Variants in ITCH observed in about 807,000 individuals in gnomAD.
ITCH encodes the protein E3 ubiquitin-protein ligase Itchy homolog.
Under a neutral mutation model 126.8 loss-of-function variants are expected in ITCH, and 28 were observed. The ratio of observed to expected loss-of-function variants is 0.22; its 90% CI spans 0.16 to 0.30. ITCH has a LOEUF of 0.30. Ranked by LOEUF, ITCH falls within the 10% of genes least tolerant of loss-of-function variation. The pLI is 1.00. For synonymous variants in ITCH, 342 were observed against 340.0 expected (o/e 1.01, Z -0.06); for missense variants, 631 against 1,032.4 (o/e 0.61, Z 5.33).
At chr20:34,443,746 G>T (rs1317486623) in intron 10 of ITCH, among the ~76,000 whole-genome samples, 2 of 152,042 alleles carry the variant, frequency 1.3e-5, no homozygotes, top group African/African-American at 4.8e-5. Flanking sequence ...GCACTTTGGG[G>T]GGACAAGGTA....
intron 1 of ITCH, among the ~76,000 whole-genome samples, 189 bp downstream of exon 1, chr20:34,363,538 G>C (rs1333507854): frequency 6.6e-6 from 1 of 152,212 alleles, no homozygotes; most frequent in Non-Finnish European, 1.5e-5. Flanking sequence ...CCCGGGCCGG[G>C]CGGTGGGGGT....
At chr20:34,474,363 CTCTTAACGAGCATGCTG>C (rs1568981655) in intron 16 of ITCH, among the ~76,000 whole-genome samples, 1 of 152,160 alleles carries the variant, frequency 6.6e-6, no homozygotes, top group Non-Finnish European at 1.5e-5. Context: ...GTGGTGATGA[CTCTTAACGAGCATGCTG>C]TCTTCAAGCA....
chr20:34,404,882 C>T (rs1312125229), intron 3 of ITCH, among the ~76,000 whole-genome samples: 1 of 152,064 alleles, frequency 6.6e-6, no homozygotes, highest in Non-Finnish European at 1.5e-5. Context: ...GCCTGTAATT[C>T]CACCACTTTG....
At chr20:34,487,101 C>T (rs1330475011) in intron 20 of ITCH, among the ~76,000 whole-genome samples, 2 of 150,826 alleles carry the variant, frequency 1.3e-5, no homozygotes, top group African/African-American at 4.9e-5. Context: ...AAGCTCCGCT[C>T]CCTGGGTTCA....
chr20:34,452,828 A>T (rs1985424769), intron 12 of ITCH, among the ~76,000 whole-genome samples: 1 of 152,222 alleles, frequency 6.6e-6, no homozygotes, highest in Admixed American at 6.5e-5. Flanking sequence ...TTGTGCCACG[A>T]TGCCTAGCTA....
intron 6 of ITCH, among the ~76,000 whole-genome samples, chr20:34,419,830 G>A (rs147350338): frequency 2.4e-4 from 36 of 152,134 alleles, no homozygotes; most frequent in African/African-American, 7.7e-4. Context: ...AATTGTGTCC[G>A]TAGGCCATTC....
At chr20:34,425,152 C>T (rs1555869385) in intron 7 of ITCH, among the ~76,000 whole-genome samples, 2 of 152,204 alleles carry the variant, frequency 1.3e-5, no homozygotes, top group Non-Finnish European at 2.9e-5. Flanking sequence ...CTCACAGAAA[C>T]ATGTGCTGTA....
At chr20:34,408,830 T>C in intron 4 of ITCH, 38 bp downstream of exon 4, 2 of 1,597,948 alleles carry the variant, frequency 1.3e-6, no homozygotes, top group South Asian at 1.1e-5. Context: ...ATGTTTTGTT[T>C]AGTAGATGAT....
rs557298568 is a variant in ITCH at position 34,450,124 on chromosome 20, A to G, written c.1210+644A>G. Among the ~76,000 whole-genome samples the G allele has an allele frequency of 4.7e-4, 71 of 152,310 alleles. 1 individual carries two copies. The highest frequency in any genetic ancestry group is 1.7e-3 in the African/African-American group (70 of 41,570). On this transcript the variant is annotated intron_variant, in intron 12 of 24. Coordinates refer to ENST00000374864, the MANE Select transcript of ITCH (RefSeq NM_031483.7). Reference sequence around the variant, plus strand: ...ACAGAAATGAATTCAGCTTTTAAACATGGTGAAAATTTAACAATGTTTGTG... The same window carrying G: ...ACAGAAATGAATTCAGCTTTTAAACGTGGTGAAAATTTAACAATGTTTGTG...
At chr20:34,423,569 T>C (rs1312778494) in intron 6 of ITCH, among the ~76,000 whole-genome samples, 1 of 152,208 alleles carries the variant, frequency 6.6e-6, no homozygotes, top group African/African-American at 2.4e-5. Context: ...GTTTTGCTTC[T>C]TTAAATGTAC....
At chr20:34,365,208 A>T (rs143349406) in intron 1 of ITCH, among the ~76,000 whole-genome samples, 1 of 148,894 alleles carries the variant, frequency 6.7e-6, no homozygotes, top group East Asian at 1.9e-4. Flanking sequence ...CTCAAAAAAT[A>T]AAAAAAAAAA....
chr20:34,416,501 A>G (rs1979873977), intron 6 of ITCH, among the ~76,000 whole-genome samples: 1 of 152,198 alleles, frequency 6.6e-6, no homozygotes. Flanking sequence ...TCATTTTTTT[A>G]GCTTTGTTTG....
At chr20:34,470,623 C>T (rs2146416689) in intron 15 of ITCH, among the ~76,000 whole-genome samples, 1 of 152,216 alleles carries the variant, frequency 6.6e-6, no homozygotes, top group South Asian at 2.1e-4. Context: ...GACAGGATCT[C>T]ACTCTGTCAC....
chr20:34,456,471 A>G (rs910934215), intron 12 of ITCH, among the ~76,000 whole-genome samples: 1 of 149,214 alleles, frequency 6.7e-6, no homozygotes, highest in Non-Finnish European at 1.5e-5. Flanking sequence ...AAGATCACAG[A>G]ATGGATTCAA....
intron 23 of ITCH, among the ~76,000 whole-genome samples, chr20:34,498,535 A>G (rs909193211): frequency 2.0e-5 from 3 of 152,168 alleles, no homozygotes; most frequent in African/African-American, 7.2e-5. Context: ...AGTTTTTCTT[A>G]TGAAGTGATG....
chr20:34,422,846 G>A (rs1980964352), intron 6 of ITCH, among the ~76,000 whole-genome samples: 1 of 151,632 alleles, frequency 6.6e-6, no homozygotes, highest in South Asian at 2.1e-4. Context: ...CCAGGGTGGA[G>A]TGCAGTGGTG....
Position 34,481,175 on chromosome 20 carries a change from G to T in ITCH, c.2062G>T (p.Val688Leu). Residue 688 changes from valine to leucine, a missense_variant, in exon 20 of 25, where the codon GTA becomes TTA. Around this residue, in one of 4 missense-constraint regions of ITCH, gnomAD observed 390 missense variants for 731.6 expected, o/e 0.53. Coordinates refer to ENST00000374864, the MANE Select transcript of ITCH (RefSeq NM_031483.7). ...GAAACCTAATGGTGGCAATATTCTT[G>T]TAACAGAAGAAAATAAAGAGGAATA... ...DLKPNGGNIL[V>L]TEENKEEYIR... 1 of 1,613,344 alleles carries T rather than the reference G, an allele frequency of 6.2e-7. No individual in the cohort carries two copies. The highest frequency in any genetic ancestry group is 8.5e-7 in the Non-Finnish European group (1 of 1,179,550).
intron 23 of ITCH, among the ~76,000 whole-genome samples, chr20:34,500,763 TG>T (rs1380990492): frequency 2.0e-5 from 3 of 152,202 alleles, no homozygotes; most frequent in African/African-American, 7.2e-5. Flanking sequence ...TTTCTCTCAT[TG>T]TTTATCATTA....
chr20:34,456,344 C>A (rs1362241703), intron 12 of ITCH, among the ~76,000 whole-genome samples: 4 of 141,532 alleles, frequency 2.8e-5, no homozygotes, highest in Non-Finnish European at 4.6e-5. Context: ...CCTGCCTTAG[C>A]CCCGGAAGTT....
Sources: gnomAD v4.1 joint callset for allele counts (sites outside exome capture counted in the v4.1 genomes callset) on GRCh38, gnomAD v4.1.1 for gene constraint, gnomAD v4.1.1 regional missense constraint, MANE v1.5 for transcripts, NCBI Gene and HGNC (gene_info 2026-07-23, HGNC 2026-07-21) for gene names.